Variants in THYN1 observed in about 807,000 individuals in gnomAD.
The protein encoded by THYN1 is thymocyte protein thy28.
Under a neutral mutation model 30.6 loss-of-function variants are expected in THYN1, and 32 were observed. The observed-to-expected ratio is 1.05, with a 90% CI of 0.79 to 1.40. THYN1 has a LOEUF of 1.40. Ranked by LOEUF, THYN1 falls within the 40% of genes most tolerant of loss-of-function variation. The probability of loss-of-function intolerance (pLI) is 0.00; values close to 1 mark genes in which losing one functional copy is unlikely to be tolerated. For missense variants in THYN1, 259 were observed against 272.6 expected (o/e 0.95, Z 0.35); for synonymous variants, 107 against 90.8 (o/e 1.18, Z -1.01).
At chr11:134,249,718 TG>T in intron 4 of THYN1, 109 bp downstream of exon 4, 20 of 984,812 alleles carry the variant, frequency 2.0e-5, no homozygotes, top group South Asian at 4.6e-5. Flanking sequence ...GGGGATGGGG[TG>T]GGGGGGAGTG....
intron 6 of THYN1, 56 bp from the exon 7 acceptor site, chr11:134,248,540 A>T: frequency 1.2e-6 from 2 of 1,603,834 alleles, no homozygotes; most frequent in Non-Finnish European, 1.7e-6. Context: ...CCTCTTGAAC[A>T]GGAAAGTTGT....
intron 6 of THYN1, 125 bp from the exon 7 acceptor site, chr11:134,248,609 T>C: frequency 7.2e-7 from 1 of 1,396,138 alleles, no homozygotes; most frequent in South Asian, 1.2e-5. Context: ...TTCAAAACTA[T>C]TTACCAGGTG....
At chr11:134,248,710 G>A in intron 6 of THYN1, 99 bp downstream of exon 6, 1 of 1,534,450 alleles carries the variant, frequency 6.5e-7, no homozygotes, top group Non-Finnish European at 8.9e-7. Context: ...TGCTGACTGA[G>A]AAAGGTGAAG....
intron 1 of THYN1, chr11:134,251,960 A>C (rs1296359799): frequency 6.6e-6 from 1 of 152,256 alleles, no homozygotes; most frequent in Non-Finnish European, 1.5e-5. Flanking sequence ...CCCAAGGTCT[A>C]TGTGTTACCC....
At position 134,249,269 on chromosome 11, in the gene THYN1, C is replaced by T. The variant is rs1565362281; in HGVS notation, c.385-7G>A. On this transcript the variant is annotated splice_polypyrimidine_tract_variant and splice_region_variant and intron_variant, in intron 4 of 6. Transcript: ENST00000341541. ...GGTAAGCCTCTTTCACGATCTGAAACCAAAACAAAAGCTTTGAATCATCTG... is the reference window on the plus strand; with the variant it reads ...GGTAAGCCTCTTTCACGATCTGAAATCAAAACAAAAGCTTTGAATCATCTG... 1.9e-6 allele frequency: 3 copies of T among 1,614,132 alleles called. No homozygotes were observed. Among genetic ancestry groups the T allele is most frequent in the Non-Finnish European group, 2.5e-6 (3 of 1,179,970 alleles).
chr11:134,251,303 C>G lies in THYN1; in HGVS notation c.49G>C (p.Gly17Arg). The change falls in exon 2 of 7, where the codon GGA (glycine) becomes CGA (arginine). Residue 17 changes from glycine (G) to arginine (R), a missense_variant. By Grantham distance (125) the Gly-to-Arg change is moderately radical. Transcript: ENST00000341541. ...GTTTTGGTGCGTTTTCCTGATAGTC[C>G]CTTGTCTGCAATAGGAGAAGCAAAA... ...RLAGTSGSDK[G>R]LSGKRTKTEN... 6.2e-7 allele frequency: 1 copy of G among 1,609,410 alleles called. No homozygotes were observed. Among genetic ancestry groups the G allele is most frequent in the Non-Finnish European group, 8.5e-7 (1 of 1,178,576 alleles).
intron 1 of THYN1, 144 bp downstream of exon 1, chr11:134,252,692 TAAAG>T: frequency 1.1e-6 from 1 of 892,000 alleles, no homozygotes; most frequent in Non-Finnish European, 1.7e-6. Flanking sequence ...GTGAGACAAG[TAAAG>T]AAGATGGAGA....
chr11:134,249,043 C>T, intron 5 of THYN1, 84 bp from the exon 6 acceptor site: 1 of 1,575,280 alleles, frequency 6.3e-7, no homozygotes, highest in Non-Finnish European at 8.7e-7. Context: ...CAGGAAGCTC[C>T]TATCTCAGTA....
At position 134,249,356 on chromosome 11, in the gene THYN1, C is replaced by T. The variant is rs867101455; in HGVS notation, c.385-94G>A. 76 of 1,253,854 alleles carry T rather than the reference C, an allele frequency of 6.1e-5. 1 individual carries two copies. The Middle Eastern group carries it at 2.1e-3, about 34-fold the overall frequency. The allele number at this position is 1,253,854 out of a possible 1,614,324, so 77.7% of individuals were successfully genotyped here. On this transcript the variant is annotated intron_variant, in intron 4 of 6. Coordinates refer to ENST00000341541, the MANE Select transcript of THYN1 (RefSeq NM_014174.3). ...ATCCAACTTTCATTTCTTCCCTGCA[C>T]ATTCTTAACCCATCTGCCTTGCTGT...
chr11:134,252,715 G>C, intron 1 of THYN1, 125 bp downstream of exon 1: 1 of 1,085,214 alleles, frequency 9.2e-7, no homozygotes, highest in Non-Finnish European at 1.4e-6. Context: ...GAGTGATTAA[G>C]GATAATGGAG....
intron 4 of THYN1, 75 bp from the exon 5 acceptor site, chr11:134,249,337 C>T: frequency 7.0e-7 from 1 of 1,430,090 alleles, no homozygotes. Flanking sequence ...CCATATCCAA[C>T]TTTCATTTCT....
chr11:134,249,695 A>C, intron 4 of THYN1, 133 bp downstream of exon 4: 1 of 833,330 alleles, frequency 1.2e-6, no homozygotes. Flanking sequence ...GTTTTTCCCT[A>C]TTCCTGTAAA....
At chr11:134,252,814 C>T in intron 1 of THYN1, 26 bp downstream of exon 1, 1 of 1,613,574 alleles carries the variant, frequency 6.2e-7, no homozygotes, top group Non-Finnish European at 8.5e-7. Context: ...CTTGGGCTGC[C>T]TTTGTGCAGC....
chr11:134,250,239 C>T (rs781327822), intron 3 of THYN1, 36 bp downstream of exon 3: 3 of 1,612,562 alleles, frequency 1.9e-6, no homozygotes, highest in African/African-American at 2.7e-5. Context: ...ATTCATCCCA[C>T]CTGGGTCTCA....
intron 1 of THYN1, chr11:134,251,612 C>T (rs1366415898): frequency 1.5e-5 from 4 of 275,198 alleles, no homozygotes; most frequent in African/African-American, 6.6e-5. Context: ...CTCTTCTATG[C>T]CTTTGCATAG....
rs1939213959 is a variant in THYN1 at position 134,253,269 on chromosome 11, AG to A, written c.-388del. On this transcript the variant is annotated 5_prime_UTR_variant, in exon 1 of 7. Coordinates refer to ENST00000341541, the MANE Select transcript of THYN1 (RefSeq NM_014174.3). Reference sequence around the variant, plus strand: ...TTAGGATCAACTGAATGGATAATCTAGATGATGAAGTAATTTGCTGGCTACA... The same window carrying A: ...TTAGGATCAACTGAATGGATAATCTAATGATGAAGTAATTTGCTGGCTACA... 1 of 1,343,120 alleles carries A rather than the reference AG, an allele frequency of 7.4e-7. No individual in the cohort carries two copies. The highest frequency in any genetic ancestry group is 9.5e-7 in the Non-Finnish European group (1 of 1,047,558). 83.2% of individuals were successfully genotyped at this position (1,343,120 alleles called of 1,614,324 possible). A position where few individuals can be genotyped will look rare whatever the true frequency, so the allele number is the denominator to read the frequency against.
At position 134,248,892 on chromosome 11, in the gene THYN1, T is replaced by C. The variant is rs540952909; in HGVS notation, c.548A>G (p.Gln183Arg). Residue 183 changes from glutamine to arginine, a missense_variant, in exon 6 of 7, where the codon CAA (glutamine) becomes CGA (arginine). Transcript: ENST00000341541. ...GGGGCCACCAGTAGCTTTGTGAGCT[T>C]GATGATAGGATTTGAGCTCAGCCAG... Reference protein sequence around the residue: ...IPLAELKSYHQAHKATGGPLK... With the variant: ...IPLAELKSYHRAHKATGGPLK... 1 of 1,613,998 alleles carries C rather than the reference T, an allele frequency of 6.2e-7. No individual in the cohort carries two copies. The highest frequency in any genetic ancestry group is 1.3e-5 in the African/African-American group (1 of 75,048).
intron 1 of THYN1, among the ~76,000 whole-genome samples, 159 bp downstream of exon 1, chr11:134,252,681 G>A (rs887466133): frequency 6.6e-6 from 1 of 152,196 alleles, no homozygotes; most frequent in African/African-American, 2.4e-5. Context: ...GTAGGAGCTT[G>A]GTGAGACAAG....
At chr11:134,251,022 C>T in intron 2 of THYN1, 108 bp downstream of exon 2, 1 of 1,234,010 alleles carries the variant, frequency 8.1e-7, no homozygotes. Flanking sequence ...TTACCTTTTT[C>T]CTTCCCTTCA....
Sources: gnomAD v4.1 joint callset for allele counts (sites outside exome capture counted in the v4.1 genomes callset) on GRCh38, gnomAD v4.1.1 for gene constraint, MANE v1.5 for transcripts, NCBI Gene and HGNC (gene_info 2026-07-23, HGNC 2026-07-21) for gene names.